Variants in TMEM232 observed in about 807,000 individuals in gnomAD.
The protein encoded by TMEM232 is transmembrane protein 232.
In TMEM232, 80 loss-of-function variants were observed where a neutral mutation model predicts 78.8. That is an observed-to-expected ratio of 1.01 (90% CI 0.85 to 1.22). TMEM232 has a LOEUF of 1.22. TMEM232 is among the 50% of genes most tolerant of loss of function. The pLI, the probability that TMEM232 is intolerant of heterozygous loss-of-function variation, is 0.00. For missense variants in TMEM232, 881 were observed against 742.2 expected, an observed-to-expected ratio of 1.19 and a Z score of -2.17; for synonymous variants, 297 against 254.3, an observed-to-expected ratio of 1.17 and a Z score of -1.60.
chr5:110,606,378 G>T, intron 8 of TMEM232, 91 bp from the exon 9 acceptor site: 1 of 1,244,578 alleles, frequency 8.0e-7, no homozygotes, highest in Non-Finnish European at 1.1e-6. Flanking sequence ...ATAGGTCAGA[G>T]GAAATGCATG....
upstream of TMEM232, among the ~76,000 whole-genome samples, chr5:110,729,724 C>A (rs115723878): frequency 0.012 from 1,846 of 152,326 alleles, 47 homozygotes; most frequent in African/African-American, 0.042. Context: ...TGCCAAAAGA[C>A]AGTTGTGGTA....
At chr5:110,393,162 G>A (rs1755266047) in intron 3 of TMEM232, among the ~76,000 whole-genome samples, 1 of 152,196 alleles carries the variant, frequency 6.6e-6, no homozygotes, top group Non-Finnish European at 1.5e-5. Context: ...TTCTAGAAAT[G>A]TCAATTAGGT....
chr5:110,454,727 T>C (rs1030790779), intron 12 of TMEM232, among the ~76,000 whole-genome samples: 1 of 151,728 alleles, frequency 6.6e-6, no homozygotes, highest in Non-Finnish European at 1.5e-5. Flanking sequence ...ACATTAAATG[T>C]TTATATTAGA....
intron 12 of TMEM232, among the ~76,000 whole-genome samples, chr5:110,481,776 C>T (rs1239493932): frequency 6.6e-6 from 1 of 152,134 alleles, no homozygotes; most frequent in East Asian, 1.9e-4. Flanking sequence ...CTTTTACATC[C>T]AGGTTCTTCT....
chr5:110,563,214 C>A (rs545857143), intron 11 of TMEM232, among the ~76,000 whole-genome samples: 37 of 152,032 alleles, frequency 2.4e-4, no homozygotes, highest in African/African-American at 8.2e-4. Context: ...TAATTCTCAG[C>A]GCTGACTACT....
intron 12 of TMEM232, among the ~76,000 whole-genome samples, chr5:110,507,139 C>T (rs1767000473): frequency 6.6e-6 from 1 of 152,100 alleles, no homozygotes; most frequent in African/African-American, 2.4e-5. Flanking sequence ...TCACTATTTT[C>T]ACAACATTGG....
At chr5:110,471,145 T>C (rs1762629755) in intron 12 of TMEM232, among the ~76,000 whole-genome samples, 2 of 152,014 alleles carry the variant, frequency 1.3e-5, no homozygotes, top group African/African-American at 4.8e-5. Context: ...TGAGACTAAA[T>C]AAAGCAAAAG....
chr5:110,533,491 C>T (rs1771861874), intron 11 of TMEM232, among the ~76,000 whole-genome samples: 1 of 152,132 alleles, frequency 6.6e-6, no homozygotes, highest in Non-Finnish European at 1.5e-5. Flanking sequence ...GCAGCAGCTG[C>T]CGCTGCTTTA....
intron 1 of TMEM232, among the ~76,000 whole-genome samples, chr5:110,669,066 G>C (rs1791001571): frequency 6.6e-6 from 1 of 152,092 alleles, no homozygotes; most frequent in African/African-American, 2.4e-5. Flanking sequence ...ACAATTAAAA[G>C]AACTAGAGAA....
chr5:110,491,389 G>C (rs1236915147), intron 12 of TMEM232, among the ~76,000 whole-genome samples: 3 of 151,938 alleles, frequency 2.0e-5, no homozygotes, highest in Non-Finnish European at 4.4e-5. Context: ...TGGTGCAGTT[G>C]GTTTGAGAAA....
intron 12 of TMEM232, among the ~76,000 whole-genome samples, chr5:110,434,011 T>C (rs1451424191): frequency 6.6e-6 from 1 of 151,780 alleles, no homozygotes; most frequent in Admixed American, 6.6e-5. Context: ...GTTAAGGAGG[T>C]ATCTTTCCTC....
intron 12 of TMEM232, among the ~76,000 whole-genome samples, chr5:110,475,595 T>C (rs1487990682): frequency 7.2e-6 from 1 of 138,174 alleles, no homozygotes; most frequent in Non-Finnish European, 1.5e-5. Flanking sequence ...TCTCCAAAGC[T>C]AGGAGAATCT....
At chr5:110,610,964 A>G (rs888454653) in intron 8 of TMEM232, among the ~76,000 whole-genome samples, 5 of 152,212 alleles carry the variant, frequency 3.3e-5, no homozygotes, top group Non-Finnish European at 7.3e-5. Context: ...AAAGAAATTA[A>G]TAGTATTGAA....
chr5:110,400,251 G>C (rs879032811), intron 2 of TMEM232, among the ~76,000 whole-genome samples: 2 of 152,046 alleles, frequency 1.3e-5, no homozygotes, highest in African/African-American at 4.8e-5. Flanking sequence ...CCTGTAAAAC[G>C]TGCGATATTG....
chr5:110,616,748 A>G (rs867852408), intron 8 of TMEM232, among the ~76,000 whole-genome samples: 2 of 152,148 alleles, frequency 1.3e-5, no homozygotes, highest in African/African-American at 4.8e-5. Flanking sequence ...TAAAACCACA[A>G]TGACATTATC....
intron 10 of TMEM232, among the ~76,000 whole-genome samples, chr5:110,578,548 T>C (rs550401926): frequency 1.3e-5 from 2 of 152,004 alleles, no homozygotes; most frequent in African/African-American, 2.4e-5. Flanking sequence ...CAGTGAAAAT[T>C]TGTTCACCTA....
chr5:110,584,997 T>C (rs1380302147), intron 10 of TMEM232, among the ~76,000 whole-genome samples: 1 of 152,142 alleles, frequency 6.6e-6, no homozygotes. Flanking sequence ...TTCATGGGTC[T>C]TTTCCCTCTG....
chr5:110,647,127 A>C (rs572251027), intron 2 of TMEM232, among the ~76,000 whole-genome samples: 1 of 152,060 alleles, frequency 6.6e-6, no homozygotes, highest in East Asian at 1.9e-4. Flanking sequence ...CTTTGTGTGC[A>C]AGCATTGTAT....
intron 12 of TMEM232, among the ~76,000 whole-genome samples, chr5:110,516,569 T>A (rs746161203): frequency 9.9e-5 from 15 of 152,180 alleles, no homozygotes; most frequent in Non-Finnish European, 2.1e-4. Flanking sequence ...CTACAACTTT[T>A]ATGATAAAGA....
Sources: allele counts gnomAD v4.1 joint callset (sites outside exome capture counted in the v4.1 genomes callset), GRCh38; gene constraint gnomAD v4.1.1; transcripts MANE v1.5; gene names NCBI Gene and HGNC (gene_info 2026-07-23, HGNC 2026-07-21).